Variants in SYNJ2 observed in about 807,000 individuals in gnomAD.
SYNJ2 encodes the protein polyphosphatidylinositol phosphatase SYNJ2.
A neutral mutation model predicts 141.3 loss-of-function variants in SYNJ2; 116 were observed. The observed-to-expected ratio is 0.82, with a 90% CI of 0.71 to 0.96. The LOEUF is 0.96. SYNJ2 is among the 40% of genes least tolerant of loss of function. The pLI is 0.00. For synonymous variants in SYNJ2, 745 were observed against 777.7 expected (o/e 0.96, Z 0.70); for missense variants, 1,873 against 1,934.8 (o/e 0.97, Z 0.60).
At chr6:158,013,923 A>G (rs1326652507) in intron 1 of SYNJ2, among the ~76,000 whole-genome samples, 1 of 152,230 alleles carries the variant, frequency 6.6e-6, no homozygotes, top group Non-Finnish European at 1.5e-5. Context: ...AACTGTATTC[A>G]GGTTTGTGTT....
chr6:158,044,105 C>T (rs1780104601), intron 5 of SYNJ2, among the ~76,000 whole-genome samples: 1 of 152,290 alleles, frequency 6.6e-6, no homozygotes, highest in East Asian at 1.9e-4. Context: ...CCCGAGGGGA[C>T]GTGGGTGCCT....
chr6:158,080,623 G>A (rs1434416392), intron 18 of SYNJ2, among the ~76,000 whole-genome samples: 1 of 151,906 alleles, frequency 6.6e-6, no homozygotes, highest in Non-Finnish European at 1.5e-5. Flanking sequence ...GAGATTACTA[G>A]GTGAAAAGAG....
chr6:158,093,178 G>C, intron 26 of SYNJ2, 74 bp downstream of exon 26: 1 of 1,492,520 alleles, frequency 6.7e-7, no homozygotes, highest in Non-Finnish European at 9.0e-7. Flanking sequence ...ATTGTGGCCT[G>C]TAATCCCAGC....
intron 1 of SYNJ2, chr6:158,002,410 TG>T: frequency 6.6e-6 from 1 of 152,228 alleles, no homozygotes. Flanking sequence ...GGCCCTGAGG[TG>T]GGAGGAGCCT....
At chr6:158,034,486 C>T (rs1215109110) in intron 4 of SYNJ2, among the ~76,000 whole-genome samples, 3 of 152,284 alleles carry the variant, frequency 2.0e-5, no homozygotes, top group East Asian at 3.9e-4. Flanking sequence ...CACTTTAATC[C>T]AGCAGAGGTT....
At chr6:158,051,322 C>A (rs1361661262) in intron 5 of SYNJ2, among the ~76,000 whole-genome samples, 1 of 152,000 alleles carries the variant, frequency 6.6e-6, no homozygotes, top group Non-Finnish European at 1.5e-5. Context: ...TGGGTTTTAG[C>A]CCTGGTGACC....
chr6:157,985,708 C>T (rs777846350), intron 1 of SYNJ2, among the ~76,000 whole-genome samples: 29 of 152,190 alleles, frequency 1.9e-4, no homozygotes, highest in Non-Finnish European at 3.8e-4. Flanking sequence ...TCTCCAACAG[C>T]CCCCAGGAAC....
At chr6:158,068,109 G>T in intron 12 of SYNJ2, 1 of 320,330 alleles carries the variant, frequency 3.1e-6, no homozygotes, top group South Asian at 1.3e-4. Context: ...TTGCCAAGCA[G>T]ATCAGACAGA....
chr6:158,072,669 T>G (rs4333441), intron 15 of SYNJ2, among the ~76,000 whole-genome samples: 27,783 of 151,954 alleles, frequency 0.18, 2,862 homozygotes, highest in East Asian at 0.25. Context: ...CCTGTTGGTG[T>G]TGTTTATTTC....
At position 158,081,632 on chromosome 6, in the gene SYNJ2, T is replaced by C. The variant is rs533609525; in HGVS notation, c.2865+122T>C. ...TTTTTTTTTTTTTTTTTTTTTTTTTTTTTCTCTGAGACAAAGTCTTGCTCT... is the reference window on the plus strand; with the variant it reads ...TTTTTTTTTTTTTTTTTTTTTTTTTCTTTCTCTGAGACAAAGTCTTGCTCT... On this transcript the variant is annotated intron_variant, in intron 20 of 26. Coordinates refer to ENST00000355585, the MANE Select transcript of SYNJ2 (RefSeq NM_003898.4). 3.3e-3 allele frequency: 932 copies of C among 282,340 alleles called. 26 individuals are homozygous for C. Among genetic ancestry groups the C allele is most frequent in the Non-Finnish European group, 3.4e-3 (568 of 166,262 alleles). The allele number at this position is 282,340 out of a possible 1,614,324, so 17.5% of individuals were successfully genotyped here.
At chr6:158,060,782 C>G (rs1157733752) in intron 7 of SYNJ2, among the ~76,000 whole-genome samples, 1 of 152,208 alleles carries the variant, frequency 6.6e-6, no homozygotes, top group Non-Finnish European at 1.5e-5. Flanking sequence ...TGTGGCCCCT[C>G]CCATCAGTGG....
At chr6:158,067,176 G>T (rs544736501) in intron 12 of SYNJ2, among the ~76,000 whole-genome samples, 1 of 152,112 alleles carries the variant, frequency 6.6e-6, no homozygotes, top group African/African-American at 2.4e-5. Flanking sequence ...CCACCACCAC[G>T]CCCAGCTAAT....
At chr6:158,035,362 T>C (rs1342732553) in intron 4 of SYNJ2, among the ~76,000 whole-genome samples, 5 of 152,226 alleles carry the variant, frequency 3.3e-5, no homozygotes, top group African/African-American at 1.2e-4. Context: ...TTGAGCAGTG[T>C]TTTGTAATTC....
rs1417093630 is a variant in SYNJ2 at position 158,081,439 on chromosome 6, C to A, written c.2794C>A (p.Gln932Lys). ...GAGTATCATTTATTCCAGGATCAAC[C>A]AAGGGCAGATGCTGGTAACTTTTGC... ...YGTIVLVRIN[Q>K]GQMLVTFADS... Residue 932 changes from glutamine to lysine, a missense_variant, in exon 20 of 27, where the codon CAA becomes AAA. Coordinates refer to ENST00000355585, the MANE Select transcript of SYNJ2 (RefSeq NM_003898.4). 2 of 1,613,754 alleles carry A rather than the reference C, an allele frequency of 1.2e-6. No homozygotes were observed. The highest frequency in any genetic ancestry group is 1.6e-4 in the Middle Eastern group (1 of 6,084).
At chr6:157,984,058 A>G (rs1247568426) in intron 1 of SYNJ2, among the ~76,000 whole-genome samples, 1 of 151,768 alleles carries the variant, frequency 6.6e-6, no homozygotes, top group African/African-American at 2.4e-5. Flanking sequence ...CTGTTCTCGA[A>G]CTCCTGGGCT....
At chr6:158,082,045 A>G (rs1782723440) in intron 20 of SYNJ2, among the ~76,000 whole-genome samples, 1 of 152,138 alleles carries the variant, frequency 6.6e-6, no homozygotes, top group African/African-American at 2.4e-5. Context: ...GGCTCTAGCT[A>G]CTTGCAAAAT....
At chr6:158,004,785 C>T (rs989531901) in intron 1 of SYNJ2, among the ~76,000 whole-genome samples, 1 of 152,296 alleles carries the variant, frequency 6.6e-6, no homozygotes, top group East Asian at 1.9e-4. Context: ...CACGAGACTG[C>T]GTCCCTCACT....
At chr6:158,031,743 A>G (rs1779376222) in intron 3 of SYNJ2, among the ~76,000 whole-genome samples, 1 of 152,166 alleles carries the variant, frequency 6.6e-6, no homozygotes, top group Non-Finnish European at 1.5e-5. Flanking sequence ...CACACTGACA[A>G]TTGCCTCCCA....
intron 6 of SYNJ2, among the ~76,000 whole-genome samples, chr6:158,055,462 A>G (rs183139811): frequency 1.3e-5 from 2 of 151,916 alleles, no homozygotes; most frequent in Non-Finnish European, 2.9e-5. Flanking sequence ...TACTATTAGT[A>G]GTTTTTTACA....
Sources: gnomAD v4.1 joint callset for allele counts (sites outside exome capture counted in the v4.1 genomes callset) on GRCh38, gnomAD v4.1.1 for gene constraint, MANE v1.5 for transcripts, NCBI Gene and HGNC (gene_info 2026-07-23, HGNC 2026-07-21) for gene names.